The following CDH4 variants were observed in gnomAD, a reference collection of about 807,000 sequenced individuals.
CDH4 encodes cadherin-4.
A neutral mutation model predicts 86.0 loss-of-function variants in CDH4; 33 were observed. That is an observed-to-expected ratio of 0.38 (90% CI 0.29 to 0.51). The LOEUF (loss-of-function observed/expected upper bound fraction) is 0.51, where lower values mean the gene tolerates loss of function less well. Ranked by LOEUF, CDH4 falls within the 20% of genes least tolerant of loss-of-function variation. CDH4 has a pLI of 0.86. For missense variants in CDH4, 1,114 were observed against 1,307.4 expected, an observed-to-expected ratio of 0.85 and a Z score of 2.28; for synonymous variants, 555 against 549.4, an observed-to-expected ratio of 1.01 and a Z score of -0.14.
At position 61,776,772 on chromosome 20, in the gene CDH4, T is replaced by A. The variant is rs566671726; in HGVS notation, c.576+3590T>A. ...GCCATTCAGCCACCCAGGATGAGCG[T>A]CTCGGGACTGGCGAGGCTTACAAGT... On this transcript the variant is annotated intron_variant, in intron 4 of 15. Coordinates refer to ENST00000614565, the MANE Select transcript of CDH4 (RefSeq NM_001794.5). Among the ~76,000 whole-genome samples, 16 of 152,306 alleles carry A rather than the reference T, an allele frequency of 1.1e-4. No homozygotes were observed. The East Asian group carries it at 3.1e-3, about 29-fold the overall frequency.
intron 8 of CDH4, among the ~76,000 whole-genome samples, chr20:61,908,031 C>T (rs925258392): frequency 1.3e-5 from 2 of 152,192 alleles, no homozygotes; most frequent in East Asian, 1.9e-4. Flanking sequence ...CCCTTCCTAC[C>T]AGACCCAGAG....
chr20:61,638,943 G>A (rs2086977139), intron 2 of CDH4, among the ~76,000 whole-genome samples: 1 of 152,230 alleles, frequency 6.6e-6, no homozygotes, highest in Non-Finnish European at 1.5e-5. Context: ...GAGGCCAATA[G>A]TCACTCATGG....
At chr20:61,911,596 G>A (rs1196460834) in intron 9 of CDH4, among the ~76,000 whole-genome samples, 1 of 152,250 alleles carries the variant, frequency 6.6e-6, no homozygotes, top group Admixed American at 6.5e-5. Flanking sequence ...ATCTGCCGAA[G>A]CGTAAGGAAA....
chr20:61,484,060 G>A (rs980662672), intron 2 of CDH4, among the ~76,000 whole-genome samples: 4 of 152,004 alleles, frequency 2.6e-5, no homozygotes, highest in Non-Finnish European at 5.9e-5. Flanking sequence ...CGCTGGGGAC[G>A]CATCTTCCTA....
At chr20:61,453,913 G>T (rs1047639977) in intron 2 of CDH4, among the ~76,000 whole-genome samples, 6 of 152,178 alleles carry the variant, frequency 3.9e-5, no homozygotes, top group Non-Finnish European at 8.8e-5. Context: ...TTTATAAGGG[G>T]CTTTTCCCTC....
chr20:61,322,755 G>T (rs1444888430), intron 2 of CDH4, among the ~76,000 whole-genome samples: 1 of 152,208 alleles, frequency 6.6e-6, no homozygotes, highest in African/African-American at 2.4e-5. Context: ...GCAGGGAGCG[G>T]AACACTCACA....
At chr20:61,610,163 C>G (rs1246433463) in intron 2 of CDH4, among the ~76,000 whole-genome samples, 4 of 152,194 alleles carry the variant, frequency 2.6e-5, no homozygotes, top group Non-Finnish European at 5.9e-5. Flanking sequence ...ACACACTCCA[C>G]TTTCCCAGGA....
chr20:61,911,112 T>C (rs1008179131), intron 9 of CDH4, among the ~76,000 whole-genome samples: 2 of 152,240 alleles, frequency 1.3e-5, no homozygotes, highest in Non-Finnish European at 2.9e-5. Context: ...AGACAGGTCT[T>C]ATGATGCTGT....
chr20:61,782,748 G>C (rs969297898), intron 4 of CDH4, among the ~76,000 whole-genome samples: 1 of 152,198 alleles, frequency 6.6e-6, no homozygotes, highest in African/African-American at 2.4e-5. Flanking sequence ...TGATGCTTAT[G>C]AAGTTGAGAT....
At position 61,579,694 on chromosome 20, in the gene CDH4, C is replaced by T. The variant is rs368858025; in HGVS notation, c.170-163869C>T. Among the ~76,000 whole-genome samples the T allele has an allele frequency of 1.4e-4, 21 of 152,182 alleles. No individual in the cohort carries two copies. In the Middle Eastern group the frequency reaches 0.01, roughly 74 times the overall value. On this transcript the variant is annotated intron_variant, in intron 2 of 15. Coordinates refer to ENST00000614565, the MANE Select transcript of CDH4 (RefSeq NM_001794.5). ...ATCTCCCACAACCCCCACTCTGCCCCGATGCAGAGCACGGAGTAGGCACCC... is the reference window on the plus strand; with the variant it reads ...ATCTCCCACAACCCCCACTCTGCCCTGATGCAGAGCACGGAGTAGGCACCC...
intron 2 of CDH4, among the ~76,000 whole-genome samples, chr20:61,508,349 C>T (rs1334377029): frequency 6.6e-6 from 1 of 152,232 alleles, no homozygotes; most frequent in African/African-American, 2.4e-5. Flanking sequence ...CCTCAGTGAC[C>T]GGGGCCACTT....
In CDH4 at chr20:61,924,391, G is replaced by C. The variant is rs369038335; in HGVS notation, c.1686G>C (p.Gln562His). The change falls in exon 11 of 16, where the codon CAG becomes CAC. Residue 562 changes from glutamine (Q) to histidine (H), a missense_variant. By Grantham distance (24) the Gln-to-His change is conservative. Around this residue, in one of 3 missense-constraint regions of CDH4, gnomAD observed 705 missense variants for 914.1 expected, o/e 0.77. Transcript: ENST00000614565. ...SWLHINATNG[Q>H]ITTAAVLDRE... ...TGCACATCAATGCCACCAACGGCCAGATCACCACGGCGGCAGTGCTGGACC... is the reference window on the plus strand; with the variant it reads ...TGCACATCAATGCCACCAACGGCCACATCACCACGGCGGCAGTGCTGGACC... 3.1e-6 allele frequency: 5 copies of C among 1,613,760 alleles called. No individual in the cohort carries two copies. Among genetic ancestry groups the C allele is most frequent in the Non-Finnish European group, 4.2e-6 (5 of 1,179,916 alleles).
At chr20:61,726,660 C>T (rs1430445553) in intron 2 of CDH4, among the ~76,000 whole-genome samples, 9 of 152,084 alleles carry the variant, frequency 5.9e-5, no homozygotes, top group African/African-American at 2.2e-4. Flanking sequence ...CCATCATGAC[C>T]ATCACTGCCA....
intron 2 of CDH4, among the ~76,000 whole-genome samples, chr20:61,551,106 C>A (rs749625071): frequency 6.6e-6 from 1 of 152,108 alleles, no homozygotes; most frequent in Admixed American, 6.5e-5. Context: ...TCCTCGGGAT[C>A]GATAAAGGTG....
At chr20:61,310,249 G>A (rs901877230) in intron 2 of CDH4, among the ~76,000 whole-genome samples, 3 of 152,136 alleles carry the variant, frequency 2.0e-5, no homozygotes, top group Non-Finnish European at 4.4e-5. Flanking sequence ...GCACAAGCCA[G>A]GACGGGAGGG....
At chr20:61,891,545 C>CCTTTT (rs1334391854) in intron 7 of CDH4, among the ~76,000 whole-genome samples, 2 of 151,886 alleles carry the variant, frequency 1.3e-5, no homozygotes, top group Admixed American at 6.6e-5. Flanking sequence ...CCTGCCCTTC[C>CCTTTT]GAGAGGCCCC....
At position 61,546,861 on chromosome 20, in the gene CDH4, A is replaced by G. The variant is rs554583870; in HGVS notation, c.170-196702A>G. ...CCACGGGATAATCCTTTAGTGAGCC[A>G]CTGATTGGCTGGGGGGCTGCACGGG... On this transcript the variant is annotated intron_variant, in intron 2 of 15. Coordinates refer to ENST00000614565, the MANE Select transcript of CDH4 (RefSeq NM_001794.5). 2.4e-4 allele frequency among the ~76,000 whole-genome samples: 36 copies of G among 152,262 alleles called. No homozygotes were observed. In the East Asian group the frequency reaches 7.0e-3, roughly 30 times the overall value.
intron 2 of CDH4, among the ~76,000 whole-genome samples, chr20:61,316,333 C>G (rs35284129): frequency 0.043 from 6,599 of 152,344 alleles, 217 homozygotes; most frequent in Middle Eastern, 0.071. Context: ...GGCACTGCGG[C>G]CCGCAGATAG....
Position 61,743,667 on chromosome 20 carries a change from C to A in CDH4, c.274C>A (p.Gln92Lys). 6.2e-7 allele frequency: 1 copy of A among 1,602,982 alleles called. No homozygotes were observed. The highest frequency in any genetic ancestry group is 1.1e-5 in the South Asian group (1 of 88,866). ...GACAGTCTTCGCCACCCGGGAGCTG[C>A]AGGTCCCCTCCGAGCAGGTGGCGTT... ...DGTVFATREL[Q>K]VPSEQVAFTV... is the part of the protein sequence containing the mutation. The change falls in exon 3 of 16, where the codon CAG becomes AAG. Residue 92 changes from glutamine (Q) to lysine (K), a missense_variant. By Grantham distance (53) the Gln-to-Lys change is moderately conservative (BLOSUM62 1). Transcript: ENST00000614565.
Sources: allele counts gnomAD v4.1 joint callset (sites outside exome capture counted in the v4.1 genomes callset), GRCh38; gene constraint gnomAD v4.1.1; regional missense constraint gnomAD v4.1.1; transcripts MANE v1.5; gene names NCBI Gene and HGNC (gene_info 2026-07-23, HGNC 2026-07-21).